The following QTMAN variants were observed in gnomAD, a reference collection of about 807,000 sequenced individuals.
The protein encoded by QTMAN is tRNA-queuosine alpha-mannosyltransferase.
chr2:144,254,917 G>C, the QTMAN span, among the ~76,000 whole-genome samples: 8 of 152,322 alleles, frequency 5.3e-5, no homozygotes, highest in South Asian at 2.1e-4. Flanking sequence ...GACTTGCATG[G>C]GGCCTGTAGC....
At chr2:144,210,477 G>C in the QTMAN span, among the ~76,000 whole-genome samples, 1 of 152,166 alleles carries the variant, frequency 6.6e-6, no homozygotes, top group Non-Finnish European at 1.5e-5. Flanking sequence ...GATGAGGAAA[G>C]TGGATATACA....
chr2:144,251,683 A>G, the QTMAN span, among the ~76,000 whole-genome samples: 25 of 152,176 alleles, frequency 1.6e-4, no homozygotes, highest in African/African-American at 3.4e-4. Context: ...CTTTTTAGAT[A>G]TAACACCAAA....
the QTMAN span, among the ~76,000 whole-genome samples, chr2:144,004,577 A>G: frequency 2.9e-3 from 443 of 152,118 alleles, 3 homozygotes; most frequent in Middle Eastern, 0.017. Context: ...GGCGTTTTAG[A>G]TTTTCATTGA....
the QTMAN span, among the ~76,000 whole-genome samples, chr2:144,259,607 T>A: frequency 6.6e-6 from 1 of 152,128 alleles, no homozygotes; most frequent in African/African-American, 2.4e-5. Flanking sequence ...AATCCGCCAA[T>A]CTTTTAAAAA....
At chr2:144,091,075 C>T in the QTMAN span, among the ~76,000 whole-genome samples, 1 of 151,630 alleles carries the variant, frequency 6.6e-6, no homozygotes. Context: ...CAACAAAGTT[C>T]TAAAGGTAAT....
At chr2:144,256,941 T>C in the QTMAN span, among the ~76,000 whole-genome samples, 1 of 152,022 alleles carries the variant, frequency 6.6e-6, no homozygotes, top group Non-Finnish European at 1.5e-5. Flanking sequence ...ATGAGCTTAA[T>C]ACAGACATCT....
chr2:144,147,172 C>T, the QTMAN span, among the ~76,000 whole-genome samples: 3 of 151,520 alleles, frequency 2.0e-5, no homozygotes, highest in Non-Finnish European at 4.4e-5. Flanking sequence ...GTCTTCTTCA[C>T]GGGCTAAAAG....
the QTMAN span, among the ~76,000 whole-genome samples, chr2:144,114,391 G>A: frequency 6.6e-6 from 1 of 152,246 alleles, no homozygotes; most frequent in East Asian, 1.9e-4. Flanking sequence ...TCACATACAT[G>A]CTGGCTCCAC....
the QTMAN span, among the ~76,000 whole-genome samples, chr2:144,102,214 T>C: frequency 1.3e-5 from 2 of 152,212 alleles, no homozygotes; most frequent in East Asian, 1.9e-4. Flanking sequence ...AAGCAATTCC[T>C]GAGTACCTAT....
the QTMAN span, among the ~76,000 whole-genome samples, chr2:144,207,843 AATTATT>A: frequency 2.0e-5 from 3 of 151,496 alleles, no homozygotes; most frequent in East Asian, 3.9e-4. Context: ...TTATTTTCTA[AATTATT>A]ATTATTATTA....
At chr2:143,952,826 C>T in the QTMAN span, 3 of 1,607,026 alleles carry the variant, frequency 1.9e-6, no homozygotes, top group Non-Finnish European at 2.6e-6. Flanking sequence ...GTAACACCCA[C>T]AGTACACAGC....
chr2:143,959,191 C>G, the QTMAN span, among the ~76,000 whole-genome samples: 2 of 151,874 alleles, frequency 1.3e-5, no homozygotes, highest in African/African-American at 4.8e-5. Flanking sequence ...GCATTATTTT[C>G]TGTTATATTT....
chr2:143,980,512 AGATCAAGTCTCT>A, the QTMAN span, among the ~76,000 whole-genome samples: 2 of 152,170 alleles, frequency 1.3e-5, no homozygotes, highest in Non-Finnish European at 2.9e-5. Context: ...CTCTAAATCT[AGATCAAGTCTCT>A]GTGGGTCTCA....
chr2:144,104,487 C>T, the QTMAN span, among the ~76,000 whole-genome samples: 9 of 152,286 alleles, frequency 5.9e-5, no homozygotes, highest in Admixed American at 1.3e-4. Flanking sequence ...GAGGGTCCCA[C>T]GCTCACGGAG....
the QTMAN span, among the ~76,000 whole-genome samples, chr2:144,151,694 T>C: frequency 6.6e-6 from 1 of 152,174 alleles, no homozygotes; most frequent in Non-Finnish European, 1.5e-5. Context: ...AGAAACTCAA[T>C]GATACATACA....
At chr2:144,253,760 G>GAA in the QTMAN span, among the ~76,000 whole-genome samples, 1,234 of 126,324 alleles carry the variant, frequency 9.8e-3, 14 homozygotes, top group African/African-American at 0.034. Flanking sequence ...CAATGAAGTA[G>GAA]AAAAAAAAAA....
At chr2:143,979,684 A>AATATATAACAGAACATCTATCTACAAAT in the QTMAN span, among the ~76,000 whole-genome samples, 3 of 152,342 alleles carry the variant, frequency 2.0e-5, no homozygotes, top group East Asian at 5.8e-4. Context: ...ATTTTCACCA[A>AATATATAACAGAACATCTATCTACAAAT]ATATATAACA....
the QTMAN span, among the ~76,000 whole-genome samples, chr2:144,116,620 TCAGCTGTTCCACTCAAC>T: frequency 3.3e-5 from 5 of 152,268 alleles, no homozygotes; most frequent in South Asian, 1.0e-3. Context: ...CAGAACCATT[TCAGCTGTTCCACTCAAC>T]CTGAGAGAGA....
the QTMAN span, among the ~76,000 whole-genome samples, chr2:144,144,408 A>G: frequency 2.0e-5 from 3 of 151,946 alleles, no homozygotes; most frequent in Non-Finnish European, 2.9e-5. Context: ...ATGATTTCTC[A>G]GGGGTAATAA....
Sources: gnomAD v4.1 joint callset for allele counts (sites outside exome capture counted in the v4.1 genomes callset) on GRCh38, gnomAD v4.1.1 for gene constraint, MANE v1.5 for transcripts, NCBI Gene and HGNC (gene_info 2026-07-23, HGNC 2026-07-21) for gene names.